KCND2: variants seen among roughly 807,000 people sequenced by gnomAD.
The protein encoded by KCND2 is potassium voltage-gated channel subfamily D member 2, also known as A-type voltage-gated potassium channel KCND2.
A neutral mutation model predicts 54.4 loss-of-function variants in KCND2; 16 were observed. The observed-to-expected ratio is 0.29, with a 90% CI of 0.20 to 0.45. The LOEUF (loss-of-function observed/expected upper bound fraction) is 0.45, where lower values mean the gene tolerates loss of function less well. Among genes scored for constraint, KCND2 ranks in the 20% least tolerant of loss-of-function variants. KCND2 has a pLI of 1.00. For synonymous variants in KCND2, 317 were observed against 310.7 expected (o/e 1.02, Z -0.21); for missense variants, 486 against 824.2 (o/e 0.59, Z 5.02).
intron 1 of KCND2, among the ~76,000 whole-genome samples, chr7:120,336,784 A>T (rs1800157952): frequency 6.6e-6 from 1 of 152,182 alleles, no homozygotes; most frequent in South Asian, 2.1e-4. Flanking sequence ...GATGTGTGTT[A>T]AAATCCTCAA....
chr7:120,530,180 G>C (rs1791825662), intron 1 of KCND2, among the ~76,000 whole-genome samples: 1 of 152,116 alleles, frequency 6.6e-6, no homozygotes, highest in Non-Finnish European at 1.5e-5. Flanking sequence ...ATAACTAAGA[G>C]TATAATTGGA....
At chr7:120,294,467 TTTA>T (rs1799480119) in intron 1 of KCND2, among the ~76,000 whole-genome samples, 1 of 151,868 alleles carries the variant, frequency 6.6e-6, no homozygotes, top group South Asian at 2.1e-4. Flanking sequence ...ATTAATTGTA[TTTA>T]TTATATTATC....
Position 120,749,880 on chromosome 7 carries a change from T to G in KCND2, c.*2022T>G, listed in dbSNP as rs1437589833. On this transcript the variant is annotated 3_prime_UTR_variant, in exon 6 of 6. Transcript: ENST00000331113. ...CATTTATTGAAAACCTTCTAAAAAGTAGACTAAGGAAACCATAATCAGAAT... is the reference window on the plus strand; with the variant it reads ...CATTTATTGAAAACCTTCTAAAAAGGAGACTAAGGAAACCATAATCAGAAT... 2 of 151,942 alleles carry G rather than the reference T, an allele frequency of 1.3e-5. No homozygotes were observed. Among genetic ancestry groups the G allele is most frequent in the Admixed American group, 1.3e-4 (2 of 15,226 alleles). 9.4% of individuals were successfully genotyped at this position (151,942 alleles called of 1,614,324 possible).
intron 1 of KCND2, among the ~76,000 whole-genome samples, chr7:120,550,850 GA>G (rs1382470380): frequency 6.6e-6 from 1 of 152,174 alleles, no homozygotes; most frequent in East Asian, 1.9e-4. Flanking sequence ...AATGGAGTTG[GA>G]AAAGCAAGCC....
chr7:120,679,334 C>T (rs1450216796), intron 1 of KCND2, among the ~76,000 whole-genome samples: 2 of 151,814 alleles, frequency 1.3e-5, no homozygotes, highest in Non-Finnish European at 2.9e-5. Context: ...TTTCTGTTCA[C>T]AGGGCTTAAT....
At chr7:120,562,377 A>G (rs1792246793) in intron 1 of KCND2, among the ~76,000 whole-genome samples, 1 of 152,246 alleles carries the variant, frequency 6.6e-6, no homozygotes, top group Non-Finnish European at 1.5e-5. Context: ...AGAGAATTCA[A>G]GAAAGACAAG....
At chr7:120,630,915 G>A (rs754188129) in intron 1 of KCND2, among the ~76,000 whole-genome samples, 19 of 152,088 alleles carry the variant, frequency 1.2e-4, no homozygotes, top group Non-Finnish European at 1.8e-4. Context: ...TATGAGAATC[G>A]CACTAACTGC....
chr7:120,605,043 C>T (rs568871474), intron 1 of KCND2, among the ~76,000 whole-genome samples: 1 of 152,162 alleles, frequency 6.6e-6, no homozygotes, highest in Non-Finnish European at 1.5e-5. Context: ...TAATCCACTT[C>T]AAGATGTTTT....
At chr7:120,651,494 A>G (rs1791732697) in intron 1 of KCND2, among the ~76,000 whole-genome samples, 2 of 152,092 alleles carry the variant, frequency 1.3e-5, no homozygotes, top group Non-Finnish European at 2.9e-5. Flanking sequence ...GAGTGACCCT[A>G]TTTTCCAGGT....
chr7:120,313,741 A>ATTTTTTTT (rs386411129), intron 1 of KCND2, among the ~76,000 whole-genome samples: 1 of 132,262 alleles, frequency 7.6e-6, no homozygotes. Context: ...GTCTCCTGGG[A>ATTTTTTTT]TTTTTTTTTT....
intron 1 of KCND2, among the ~76,000 whole-genome samples, chr7:120,310,718 C>T (rs1299146968): frequency 6.6e-6 from 1 of 152,038 alleles, no homozygotes; most frequent in African/African-American, 2.4e-5. Context: ...AGGCAGATCA[C>T]TTGAGGCCAG....
intron 1 of KCND2, among the ~76,000 whole-genome samples, chr7:120,701,443 G>A (rs557359002): frequency 6.6e-6 from 1 of 152,146 alleles, no homozygotes; most frequent in South Asian, 2.1e-4. Context: ...AATTAGGATA[G>A]CCAAGTGCTC....
rs183444862 is a variant in KCND2, at chr7:120,389,132, A to G, written c.1115+113385A>G. ...AAGATAGTACATTGCCAAATAGGGG[A>G]AAAAAAAGATGAGAAAATGATATTC... On this transcript the variant is annotated intron_variant, in intron 1 of 5. Transcript: ENST00000331113. 9.5e-3 allele frequency among the ~76,000 whole-genome samples: 1,438 copies of G among 151,628 alleles called. 12 individuals carry two copies. Among genetic ancestry groups the G allele is most frequent in the South Asian group, 0.033 (158 of 4,822 alleles).
chr7:120,554,332 G>T (rs1056862208), intron 1 of KCND2, among the ~76,000 whole-genome samples: 5 of 152,134 alleles, frequency 3.3e-5, no homozygotes, highest in Admixed American at 6.5e-5. Context: ...CACCTGGAGG[G>T]CTTCCTAACC....
chr7:120,297,215 C>T (rs551693960), intron 1 of KCND2, among the ~76,000 whole-genome samples: 2 of 152,142 alleles, frequency 1.3e-5, no homozygotes, highest in South Asian at 2.1e-4. Flanking sequence ...AAATGTCTGT[C>T]CAATGAGATA....
At chr7:120,527,999 T>C (rs1046095343) in intron 1 of KCND2, among the ~76,000 whole-genome samples, 2 of 152,148 alleles carry the variant, frequency 1.3e-5, no homozygotes, top group African/African-American at 4.8e-5. Flanking sequence ...AATAAGTACA[T>C]TTTTAAAATG....
intron 1 of KCND2, among the ~76,000 whole-genome samples, chr7:120,416,661 T>G (rs1362671836): frequency 6.6e-6 from 1 of 151,872 alleles, no homozygotes; most frequent in Non-Finnish European, 1.5e-5. Flanking sequence ...ATAAGGAAAA[T>G]TATGCTTTCA....
At chr7:120,506,537 G>T (rs1289242593) in intron 1 of KCND2, among the ~76,000 whole-genome samples, 1 of 151,772 alleles carries the variant, frequency 6.6e-6, no homozygotes. Flanking sequence ...AACAGAAAAA[G>T]CTTTTGAGAC....
At chr7:120,404,766 T>TGG (rs36173771) in intron 1 of KCND2, among the ~76,000 whole-genome samples, 26 of 103,108 alleles carry the variant, frequency 2.5e-4, no homozygotes, top group Non-Finnish European at 2.3e-4. Flanking sequence ...CACTGATTTT[T>TGG]GGGGGGGGAC....
Sources: allele counts gnomAD v4.1 joint callset (sites outside exome capture counted in the v4.1 genomes callset), GRCh38; gene constraint gnomAD v4.1.1; transcripts MANE v1.5; gene names NCBI Gene and HGNC (gene_info 2026-07-23, HGNC 2026-07-21).